Variants in APBB2 observed in about 807,000 individuals in gnomAD.
APBB2 encodes the protein amyloid beta precursor protein binding family B member 2.
In APBB2, 38 loss-of-function variants were observed where a neutral mutation model predicts 82.5. The ratio of observed to expected loss-of-function variants is 0.46; its 90% CI spans 0.36 to 0.60. APBB2 has a LOEUF of 0.60. Among genes scored for constraint, APBB2 ranks in the 20% least tolerant of loss-of-function variants. APBB2 has a pLI of 0.00. For synonymous variants in APBB2, 341 were observed against 368.2 expected (o/e 0.93, Z 0.85); for missense variants, 772 against 972.3 (o/e 0.79, Z 2.74).
intron 1 of APBB2, among the ~76,000 whole-genome samples, chr4:41,188,448 G>A (rs911110741): frequency 7.2e-5 from 11 of 152,104 alleles, no homozygotes; most frequent in African/African-American, 7.2e-5. Context: ...ATTAGATCAC[G>A]AGGGTACAGC....
chr4:41,033,197 C>T, intron 5 of APBB2, 39 bp downstream of exon 5: 1 of 1,264,080 alleles, frequency 7.9e-7, no homozygotes, highest in Non-Finnish European at 1.1e-6. Flanking sequence ...TAATATTCAA[C>T]TGCTTCTCTG....
At chr4:41,165,839 C>T (rs925314123) in intron 1 of APBB2, among the ~76,000 whole-genome samples, 3 of 151,960 alleles carry the variant, frequency 2.0e-5, no homozygotes, top group Non-Finnish European at 2.9e-5. Flanking sequence ...GCTTCCTCCC[C>T]TGCAAGCCAT....
intron 1 of APBB2, among the ~76,000 whole-genome samples, chr4:41,206,419 C>G (rs34210499): frequency 0.08 from 12,149 of 152,252 alleles, 690 homozygotes; most frequent in Non-Finnish European, 0.12. Context: ...CAGGCACAAA[C>G]TATGTACTCA....
chr4:40,955,012 A>AC lies in APBB2; in HGVS notation c.836-9940dup, dbSNP rs200660645. On this transcript the variant is annotated intron_variant, in intron 6 of 17. Coordinates refer to ENST00000508593, the MANE Select transcript of APBB2 (RefSeq NM_004307.2). ...TGGGCTCCACAGAAGAAGAAATGTG[A>AC]CGTGTGTACTCAGTCATTCATTCAT... Among the ~76,000 whole-genome samples, 1,178 of 152,312 alleles carry AC rather than the reference A, an allele frequency of 7.7e-3. 14 individuals carry two copies. Among genetic ancestry groups the AC allele is most frequent in the African/African-American group, 0.027 (1,129 of 41,560 alleles).
chr4:40,926,572 C>A (rs949521600), intron 10 of APBB2, among the ~76,000 whole-genome samples: 2 of 152,254 alleles, frequency 1.3e-5, no homozygotes, highest in Non-Finnish European at 2.9e-5. Flanking sequence ...CTGCCTCAGC[C>A]TCCCAAGCAG....
chr4:41,124,080 A>C (rs1753694432), intron 2 of APBB2, among the ~76,000 whole-genome samples: 1 of 152,206 alleles, frequency 6.6e-6, no homozygotes, highest in Non-Finnish European at 1.5e-5. Context: ...TACAGTGCGG[A>C]ATATCCTCAT....
intron 6 of APBB2, among the ~76,000 whole-genome samples, chr4:41,004,272 C>T (rs1352725667): frequency 6.6e-6 from 1 of 152,032 alleles, no homozygotes; most frequent in Non-Finnish European, 1.5e-5. Flanking sequence ...TTACACCAGC[C>T]GTAAGAAACC....
intron 3 of APBB2, among the ~76,000 whole-genome samples, chr4:41,078,382 A>G (rs561245892): frequency 6.6e-6 from 1 of 152,342 alleles, no homozygotes; most frequent in South Asian, 2.1e-4. Flanking sequence ...GCAATTAAAA[A>G]ATCAACTTTT....
At chr4:41,096,385 G>A (rs904257026) in intron 3 of APBB2, among the ~76,000 whole-genome samples, 1 of 152,136 alleles carries the variant, frequency 6.6e-6, no homozygotes, top group Non-Finnish European at 1.5e-5. Context: ...AGTGCTTAAC[G>A]GTATGGCTTC....
intron 10 of APBB2, among the ~76,000 whole-genome samples, chr4:40,918,880 G>C (rs1310087792): frequency 6.6e-6 from 1 of 151,710 alleles, no homozygotes; most frequent in Non-Finnish European, 1.5e-5. Context: ...CAGAGTGCTG[G>C]GATTACAGGC....
At chr4:40,957,819 G>A (rs1223498463) in intron 6 of APBB2, among the ~76,000 whole-genome samples, 2 of 152,002 alleles carry the variant, frequency 1.3e-5, no homozygotes, top group Non-Finnish European at 2.9e-5. Flanking sequence ...CCTGACCTCA[G>A]GTGATCTGCC....
intron 12 of APBB2, among the ~76,000 whole-genome samples, chr4:40,838,734 G>T (rs1754864917): frequency 1.3e-5 from 2 of 152,182 alleles, no homozygotes; most frequent in Non-Finnish European, 2.9e-5. Context: ...CTCCCAAAGT[G>T]CTGGGATTAC....
intron 10 of APBB2, among the ~76,000 whole-genome samples, chr4:40,916,012 AGGGAAATGGTCCCTGAC>A: frequency 6.6e-6 from 1 of 152,326 alleles, no homozygotes; most frequent in East Asian, 1.9e-4. Context: ...CCCAACACTC[AGGGAAATGGTCCCTGAC>A]CGACTGGAAC....
intron 12 of APBB2, among the ~76,000 whole-genome samples, chr4:40,886,753 G>A (rs1358336529): frequency 1.3e-5 from 2 of 152,140 alleles, no homozygotes; most frequent in African/African-American, 4.8e-5. Flanking sequence ...AAGGCCCAGT[G>A]CACACACCTG....
chr4:40,942,561 G>T (rs1476622074), intron 7 of APBB2, among the ~76,000 whole-genome samples: 1 of 152,148 alleles, frequency 6.6e-6, no homozygotes, highest in African/African-American at 2.4e-5. Flanking sequence ...CTCCTGAGAA[G>T]ATCAGATGAA....
chr4:40,971,348 T>C (rs1009892995), intron 6 of APBB2, among the ~76,000 whole-genome samples: 3 of 152,264 alleles, frequency 2.0e-5, no homozygotes, highest in Non-Finnish European at 4.4e-5. Context: ...CCTCCATTAC[T>C]TTTAAGCTGA....
intron 3 of APBB2, among the ~76,000 whole-genome samples, chr4:41,083,603 G>A (rs1178659364): frequency 7.2e-6 from 1 of 139,730 alleles, no homozygotes; most frequent in Non-Finnish European, 1.5e-5. Context: ...CAGGAGAATC[G>A]CTTGAACCCA....
chr4:41,086,480 C>T (rs1305979776), intron 3 of APBB2, among the ~76,000 whole-genome samples: 2 of 152,138 alleles, frequency 1.3e-5, no homozygotes, highest in African/African-American at 4.8e-5. Context: ...TCAAGTGGGA[C>T]TTATCTCTGG....
intron 6 of APBB2, among the ~76,000 whole-genome samples, chr4:40,961,304 C>A (rs1793141747): frequency 1.3e-5 from 2 of 152,040 alleles, no homozygotes; most frequent in South Asian, 4.2e-4. Context: ...GCTTTGCAAT[C>A]TCCTATTCAA....
Sources: gnomAD v4.1 joint callset for allele counts (sites outside exome capture counted in the v4.1 genomes callset) on GRCh38, gnomAD v4.1.1 for gene constraint, MANE v1.5 for transcripts, NCBI Gene and HGNC (gene_info 2026-07-23, HGNC 2026-07-21) for gene names.